AGPAT3: variants seen among roughly 807,000 people sequenced by gnomAD.
AGPAT3 encodes the protein 1-acyl-sn-glycerol-3-phosphate acyltransferase gamma.
Under a neutral mutation model 47.3 loss-of-function variants are expected in AGPAT3, and 5 were observed. That is an observed-to-expected ratio of 0.11 (90% CI 0.06 to 0.22). AGPAT3 has a LOEUF of 0.22. Ranked by LOEUF, AGPAT3 falls within the 10% of genes least tolerant of loss-of-function variation. AGPAT3 has a pLI of 1.00. For synonymous variants in AGPAT3, 212 were observed against 208.3 expected (o/e 1.02, Z -0.15); for missense variants, 315 against 493.0 (o/e 0.64, Z 3.42).
At chr21:43,975,548 G>C (rs1290058277) in intron 7 of AGPAT3, among the ~76,000 whole-genome samples, 1 of 152,180 alleles carries the variant, frequency 6.6e-6, no homozygotes, top group African/African-American at 2.4e-5. Context: ...AGAAGTGTGA[G>C]GCGCGTGACC....
At chr21:43,956,361 G>T (rs533498703) in intron 2 of AGPAT3, among the ~76,000 whole-genome samples, 2 of 152,266 alleles carry the variant, frequency 1.3e-5, no homozygotes, top group African/African-American at 4.8e-5. Context: ...CTGACTCCCT[G>T]TGTGGCCCCA....
intron 2 of AGPAT3, 46 bp downstream of exon 2, chr21:43,904,065 AGTGTGTGT>A (rs10577584): frequency 1.1e-3 from 165 of 147,776 alleles, no homozygotes; most frequent in African/African-American, 2.4e-3. Context: ...CGTGTGTGAG[AGTGTGTGT>A]GTGTGTGTGT....
In AGPAT3 at chr21:43,985,399, A is replaced by G; in HGVS notation, c.*3007A>G. ...AATGTAAGCAGCACTTTCTTGTGTA[A>G]AAAAAAAAAAAAAGCACGTCCTGTC... On this transcript the variant is annotated 3_prime_UTR_variant, in exon 10 of 10. Coordinates refer to ENST00000291572, the MANE Select transcript of AGPAT3 (RefSeq NM_020132.5). 1.2e-5 allele frequency: 2 copies of G among 172,326 alleles called. No individual in the cohort carries two copies. Among genetic ancestry groups the G allele is most frequent in the Admixed American group, 6.4e-5 (1 of 15,516 alleles). 10.7% of individuals were successfully genotyped at this position (172,326 alleles called of 1,614,324 possible).
chr21:43,943,239 T>TA (rs1199141447), intron 2 of AGPAT3, among the ~76,000 whole-genome samples: 1 of 152,022 alleles, frequency 6.6e-6, no homozygotes, highest in Admixed American at 6.5e-5. Context: ...CACGCCCGGC[T>TA]AATTTTTTGT....
At chr21:43,958,348 G>A (rs2088592379) in intron 2 of AGPAT3, among the ~76,000 whole-genome samples, 1 of 151,908 alleles carries the variant, frequency 6.6e-6, no homozygotes, top group Non-Finnish European at 1.5e-5. Flanking sequence ...TGTGGTGTGT[G>A]GTACAATTGT....
chr21:43,910,257 C>T (rs1046585130), intron 2 of AGPAT3, among the ~76,000 whole-genome samples: 1 of 152,234 alleles, frequency 6.6e-6, no homozygotes. Context: ...CAGGCTGGTC[C>T]TGCGCCCGTG....
rs1011079452 is a variant in AGPAT3 at position 43,985,135 on chromosome 21, G to A, written c.*2743G>A. On this transcript the variant is annotated 3_prime_UTR_variant, in exon 10 of 10. Coordinates refer to ENST00000291572, the MANE Select transcript of AGPAT3 (RefSeq NM_020132.5). ...TGGGCCGTGGTCTCCTGGGGACGCC[G>A]CTGGCCTCCCAGCTTAGGCCCAGGT... 2.0e-5 allele frequency: 9 copies of A among 456,132 alleles called. No homozygotes were observed. The highest frequency in any genetic ancestry group is 4.0e-5 in the African/African-American group (2 of 50,076). 28.3% of individuals were successfully genotyped at this position (456,132 alleles called of 1,614,324 possible).
At chr21:43,877,973 C>T (rs1399195067) in intron 1 of AGPAT3, among the ~76,000 whole-genome samples, 1 of 152,130 alleles carries the variant, frequency 6.6e-6, no homozygotes, top group Non-Finnish European at 1.5e-5. Flanking sequence ...GCCCCACCAC[C>T]AGCCTCGCTT....
intron 2 of AGPAT3, among the ~76,000 whole-genome samples, chr21:43,929,515 G>T (rs1340357579): frequency 6.6e-6 from 1 of 152,210 alleles, no homozygotes; most frequent in Non-Finnish European, 1.5e-5. Context: ...AGATGTGAAG[G>T]GCAAGTGGGA....
rs932521865 is a variant in AGPAT3, at chr21:43,970,056, T to C, written c.511-597T>C. The stretch of plus-strand genomic sequence containing the variant: ...CAGAGCCTTAGTCTGTCACCCAGGC[T>C]AGAGTGCAGTGGCATGATCTCAGCT... On this transcript the variant is annotated intron_variant, in intron 5 of 9. Transcript: ENST00000291572. This position sits in a 1 kb window ranked among gnomAD's most constrained non-coding sequence, Gnocchi z 5.8. Among the ~76,000 whole-genome samples, 1 of 152,062 alleles carries C rather than the reference T, an allele frequency of 6.6e-6. No individual in the cohort carries two copies. Among genetic ancestry groups the C allele is most frequent in the African/African-American group, 2.4e-5 (1 of 41,374 alleles).
In AGPAT3 at chr21:43,959,652, G is replaced by A. The variant is rs1178092374; in HGVS notation, c.-30G>A. ...TTTGCAGGACGGCTGTCCTCAGCGA[G>A]GGGCCGTGCACCCGCTCCTGAGCAG... On this transcript the variant is annotated 5_prime_UTR_variant, in exon 3 of 10. Coordinates refer to ENST00000291572, the MANE Select transcript of AGPAT3 (RefSeq NM_020132.5). The A allele has an allele frequency of 6.2e-7, 1 of 1,609,258 alleles. No individual in the cohort carries two copies. The highest frequency in any genetic ancestry group is 1.1e-5 in the South Asian group (1 of 91,050).
chr21:43,927,624 A>G (rs113069243), intron 2 of AGPAT3, among the ~76,000 whole-genome samples: 23 of 152,358 alleles, frequency 1.5e-4, no homozygotes, highest in African/African-American at 5.3e-4. Flanking sequence ...TTTCCAGTGA[A>G]GATGTGAGAT....
At chr21:43,957,551 C>G (rs539737003) in intron 2 of AGPAT3, among the ~76,000 whole-genome samples, 23 of 150,496 alleles carry the variant, frequency 1.5e-4, no homozygotes, top group Non-Finnish European at 3.1e-4. Flanking sequence ...TCGGGTTTCC[C>G]CCTCCACACG....
chr21:43,932,037 G>A lies in AGPAT3; in HGVS notation c.-48-27597G>A, dbSNP rs1314383571. ...TATGATTGTGTATATGGAGTACCAT[G>A]TGATCTATGTGTACATTGTAGAAAG... On this transcript the variant is annotated intron_variant, in intron 2 of 9. Coordinates refer to ENST00000291572, the MANE Select transcript of AGPAT3 (RefSeq NM_020132.5). The surrounding 1 kb of genome is among the most constrained non-coding windows in gnomAD (Gnocchi z 5.2). Among the ~76,000 whole-genome samples the A allele has an allele frequency of 6.6e-6, 1 of 151,998 alleles. No individual in the cohort carries two copies. The highest frequency in any genetic ancestry group is 2.4e-5 in the African/African-American group (1 of 41,346).
chr21:43,930,560 C>T lies in AGPAT3; in HGVS notation c.-49+26541C>T, dbSNP rs2087207929. On this transcript the variant is annotated intron_variant, in intron 2 of 9. Transcript: ENST00000291572. The surrounding 1 kb of genome is among the most constrained non-coding windows in gnomAD (Gnocchi z 5.0). ...AGACCTTGGGGACAGCAAGCTCTGC[C>T]CCGTGAACTCAGAGGCTGCAGCTCC... Among the ~76,000 whole-genome samples, 1 of 151,902 alleles carries T rather than the reference C, an allele frequency of 6.6e-6. No homozygotes were observed. The highest frequency in any genetic ancestry group is 2.1e-4 in the South Asian group (1 of 4,788).
At chr21:43,873,128 G>A (rs1311238614) in intron 1 of AGPAT3, among the ~76,000 whole-genome samples, 1 of 152,210 alleles carries the variant, frequency 6.6e-6, no homozygotes, top group Non-Finnish European at 1.5e-5. Context: ...AGTGGCGGGT[G>A]CACCTGCCGT....
chr21:43,949,496 C>T (rs757672467), intron 2 of AGPAT3, among the ~76,000 whole-genome samples: 20 of 152,352 alleles, frequency 1.3e-4, no homozygotes, highest in African/African-American at 3.1e-4. Flanking sequence ...GGAGTGGCAA[C>T]GCTCTAAAGA....
intron 2 of AGPAT3, among the ~76,000 whole-genome samples, chr21:43,943,135 A>C (rs979556140): frequency 2.6e-5 from 4 of 151,806 alleles, no homozygotes; most frequent in Non-Finnish European, 4.4e-5. Context: ...AGTGCAGTGG[A>C]GTGATCTCAG....
At chr21:43,891,747 C>T (rs2086106582) in intron 1 of AGPAT3, among the ~76,000 whole-genome samples, 3 of 152,168 alleles carry the variant, frequency 2.0e-5, no homozygotes, top group Admixed American at 1.3e-4. Context: ...TTGCTATTTC[C>T]ACCACTTCTG....
Sources: gnomAD v4.1 joint callset for allele counts (sites outside exome capture counted in the v4.1 genomes callset) on GRCh38, gnomAD v4.1.1 for gene constraint, Gnocchi (gnomAD v3.1) non-coding constraint, MANE v1.5 for transcripts, NCBI Gene and HGNC (gene_info 2026-07-23, HGNC 2026-07-21) for gene names.